Variants in KCNE2 observed in about 807,000 individuals in gnomAD.
KCNE2 encodes the protein potassium voltage-gated channel subfamily E regulatory subunit 2.
KCNE2 carries 4 observed loss-of-function variants against 4.5 expected under a neutral mutation model. That is an observed-to-expected ratio of 0.89 (90% confidence interval 0.44 to 2.03). The LOEUF is 2.03. KCNE2 is among the 30% of genes most tolerant of loss of function. The pLI is 0.03. For missense variants in KCNE2, 137 were observed against 151.4 expected, an observed-to-expected ratio of 0.90 and a Z score of 0.50; for synonymous variants, 57 against 55.9, an observed-to-expected ratio of 1.02 and a Z score of -0.09.
At chr21:34,369,946 T>C (rs1979506417) in intron 1 of KCNE2, among the ~76,000 whole-genome samples, 1 of 152,302 alleles carries the variant, frequency 6.6e-6, no homozygotes, top group East Asian at 1.9e-4. Flanking sequence ...ACAGAGAACA[T>C]AAATGAGTCA....
chr21:34,371,083 C>A lies in KCNE2; in HGVS notation c.*233C>A. 1 of 580,352 alleles carries A rather than the reference C, an allele frequency of 1.7e-6. No individual in the cohort carries two copies. The highest frequency in any genetic ancestry group is 3.1e-6 in the Non-Finnish European group (1 of 323,048). The allele number at this position is 580,352 out of a possible 1,614,324, so 36.0% of individuals were successfully genotyped here. On this transcript the variant is annotated 3_prime_UTR_variant, in exon 2 of 2. Coordinates refer to ENST00000290310, the MANE Select transcript of KCNE2 (RefSeq NM_172201.2). Reference sequence around the variant, plus strand: ...TGTGCTGAAGACCTCTTTTACTTTCCGGGCAAGTGAATGTCATTTTAATCA... The same window carrying A: ...TGTGCTGAAGACCTCTTTTACTTTCAGGGCAAGTGAATGTCATTTTAATCA...
intron 1 of KCNE2, among the ~76,000 whole-genome samples, chr21:34,369,202 C>T (rs902380420): frequency 6.6e-6 from 1 of 152,142 alleles, no homozygotes; most frequent in Non-Finnish European, 1.5e-5. Flanking sequence ...ATTTTAAGAA[C>T]AACCATCGCA....
At chr21:34,368,232 A>ACACAC (rs1322748846) in intron 1 of KCNE2, among the ~76,000 whole-genome samples, 6 of 36,462 alleles carry the variant, frequency 1.6e-4, no homozygotes, top group African/African-American at 4.4e-4. Flanking sequence ...CACACACAAT[A>ACACAC]TATATATATA....
intron 1 of KCNE2, among the ~76,000 whole-genome samples, chr21:34,367,159 C>CAA (rs35381423): frequency 9.4e-4 from 75 of 79,754 alleles, no homozygotes; most frequent in African/African-American, 3.2e-3. Context: ...GACCCCATCT[C>CAA]AAAAAAAAAA....
chr21:34,369,521 G>T (rs936614339), intron 1 of KCNE2, among the ~76,000 whole-genome samples: 1 of 152,020 alleles, frequency 6.6e-6, no homozygotes, highest in Non-Finnish European at 1.5e-5. Flanking sequence ...CCCCACTCCA[G>T]CCTGGACGAC....
At position 34,370,846 on chromosome 21, in the gene KCNE2, CCT is replaced by C. The variant is rs45610936; in HGVS notation, c.369_370del (p.Ter124IlefsTer15). On this transcript the variant is annotated frameshift_variant and stop_lost, in exon 2 of 2. Coordinates refer to ENST00000290310, the MANE Select transcript of KCNE2 (RefSeq NM_172201.2). LOFTEE classifies it high-confidence loss of function. ...GGTGCGGCTGGGTTCAAAATGTCCC[CCT>C]GATAAGGGAGAAAGGCACCAAGCTA... 138 of 1,613,704 alleles carry C rather than the reference CCT, an allele frequency of 8.6e-5. No homozygotes were observed. The highest frequency in any genetic ancestry group is 3.0e-4 in the Admixed American group (18 of 60,002).
Position 34,370,600 on chromosome 21 carries a change from T to C in KCNE2, c.122T>C (p.Val41Ala), listed in dbSNP as rs1273269997. 1.4e-5 allele frequency: 23 copies of C among 1,614,244 alleles called. No individual in the cohort carries two copies. The highest frequency in any genetic ancestry group is 1.8e-5 in the Non-Finnish European group (21 of 1,180,040). ...TAEQEALQAK[V>A]DAENFYYVIL... ...GAGCAAGAGGCCCTCCAAGCCAAAG[T>C]TGATGCTGAGAACTTCTACTATGTC... Residue 41 changes from valine to alanine, a missense_variant, in exon 2 of 2, where the codon GTT (valine) becomes GCT (alanine). Transcript: ENST00000290310.
In KCNE2 at chr21:34,364,125, A is replaced by AT. The variant is rs1417423753; in HGVS notation, c.-36dup. The stretch of plus-strand genomic sequence containing the variant: ...CAGAACAGCCTGGCTTTGGAAAGGA[A>AT]TTTCATCCTGCCCACACACTGCATA... On this transcript the variant is annotated 5_prime_UTR_variant, in exon 1 of 2. Coordinates refer to ENST00000290310, the MANE Select transcript of KCNE2 (RefSeq NM_172201.2). 6.6e-6 allele frequency: 1 copy of AT among 152,194 alleles called. No individual in the cohort carries two copies. Among genetic ancestry groups the AT allele is most frequent in the Non-Finnish European group, 1.5e-5 (1 of 68,048 alleles). 9.4% of individuals were successfully genotyped at this position (152,194 alleles called of 1,614,324 possible).
intron 1 of KCNE2, among the ~76,000 whole-genome samples, chr21:34,366,819 A>AT (rs1385764669): frequency 1.3e-5 from 2 of 151,700 alleles, no homozygotes; most frequent in East Asian, 3.9e-4. Context: ...CTGTACTAAA[A>AT]ATACAAAAAA....
chr21:34,366,772 G>A (rs1313510190), intron 1 of KCNE2, among the ~76,000 whole-genome samples: 6 of 151,908 alleles, frequency 3.9e-5, no homozygotes, highest in South Asian at 2.1e-4. Context: ...GAGGTCAGGA[G>A]ATCGAGACCA....
intron 1 of KCNE2, among the ~76,000 whole-genome samples, chr21:34,366,734 C>G (rs1006621353): frequency 6.6e-6 from 1 of 151,926 alleles, no homozygotes; most frequent in Admixed American, 6.6e-5. Context: ...AATCCCAGCA[C>G]TTTGGGAGGC....
intron 1 of KCNE2, among the ~76,000 whole-genome samples, chr21:34,369,181 A>G (rs1979472369): frequency 6.6e-6 from 1 of 152,164 alleles, no homozygotes; most frequent in South Asian, 2.1e-4. Context: ...CTGTTAAGGA[A>G]TTAGGACTTG....
In KCNE2 at chr21:34,368,228, C is replaced by CT. The variant is rs1568812293; in HGVS notation, c.-12-2239_-12-2238insT. ...ACACACACACACACACACACACACACAATATATATATATATATATATATAT... is the reference window on the plus strand; with the variant it reads ...ACACACACACACACACACACACACACTAATATATATATATATATATATATAT... On this transcript the variant is annotated intron_variant, in intron 1 of 1. Coordinates refer to ENST00000290310, the MANE Select transcript of KCNE2 (RefSeq NM_172201.2). 2.5e-3 allele frequency among the ~76,000 whole-genome samples: 128 copies of CT among 51,316 alleles called. 1 individual carries two copies. Among genetic ancestry groups the CT allele is most frequent in the East Asian group, 8.6e-3 (9 of 1,046 alleles). 33.7% of individuals were successfully genotyped at this position (51,316 alleles called of 152,430 possible). A position where few individuals can be genotyped will look rare whatever the true frequency, so the allele number is the denominator to read the frequency against.
intron 1 of KCNE2, among the ~76,000 whole-genome samples, chr21:34,366,725 A>G (rs1979310622): frequency 1.3e-5 from 2 of 152,132 alleles, no homozygotes; most frequent in African/African-American, 4.8e-5. Flanking sequence ...CACGCCTGTA[A>G]TCCCAGCACT....
chr21:34,365,591 A>AT (rs1421434506), intron 1 of KCNE2, among the ~76,000 whole-genome samples: 7 of 151,942 alleles, frequency 4.6e-5, no homozygotes, highest in South Asian at 4.2e-4. Context: ...ACATCCAGCT[A>AT]TTTTTTTATG....
intron 1 of KCNE2, among the ~76,000 whole-genome samples, chr21:34,364,844 T>G (rs1979226785): frequency 6.6e-6 from 1 of 151,886 alleles, no homozygotes; most frequent in African/African-American, 2.4e-5. Context: ...CCTAATAGTG[T>G]CCTGATTGCT....
chr21:34,371,072 C>T lies in KCNE2; in HGVS notation c.*222C>T. 3.3e-6 allele frequency: 2 copies of T among 611,370 alleles called. No individual in the cohort carries two copies. Among genetic ancestry groups the T allele is most frequent in the Non-Finnish European group, 5.8e-6 (2 of 344,948 alleles). The allele number at this position is 611,370 out of a possible 1,614,324, so 37.9% of individuals were successfully genotyped here. ...GAGCAATATTTTGTGCTGAAGACCT[C>T]TTTTACTTTCCGGGCAAGTGAATGT... On this transcript the variant is annotated 3_prime_UTR_variant, in exon 2 of 2. Coordinates refer to ENST00000290310, the MANE Select transcript of KCNE2 (RefSeq NM_172201.2).
At chr21:34,364,756 G>A (rs1481645747) in intron 1 of KCNE2, among the ~76,000 whole-genome samples, 4 of 147,854 alleles carry the variant, frequency 2.7e-5, no homozygotes, top group Non-Finnish European at 4.5e-5. Context: ...CTGGGCGACA[G>A]AGTGAGACTC....
In KCNE2 at chr21:34,370,752, T is replaced by C. The variant is rs1018893224; in HGVS notation, c.274T>C (p.Trp92Arg). Residue 92 changes from tryptophan to arginine, a missense_variant, in exon 2 of 2, where the codon TGG (tryptophan) becomes CGG (arginine). Physicochemically the swap from Trp to Arg is moderately radical, Grantham distance 101 (BLOSUM62 -3). Coordinates refer to ENST00000290310, the MANE Select transcript of KCNE2 (RefSeq NM_172201.2). ...DPYHQYIVED[W>R]QEKYKSQILN... ...CTACCACCAGTACATTGTAGAGGAC[T>C]GGCAGGAAAAGTACAAGAGCCAAAT... 2 of 1,614,082 alleles carry C rather than the reference T, an allele frequency of 1.2e-6. No homozygotes were observed. Among genetic ancestry groups the C allele is most frequent in the Non-Finnish European group, 1.7e-6 (2 of 1,180,034 alleles).
Sources: allele counts gnomAD v4.1 joint callset (sites outside exome capture counted in the v4.1 genomes callset), GRCh38; gene constraint gnomAD v4.1.1; transcripts MANE v1.5; gene names NCBI Gene and HGNC (gene_info 2026-07-23, HGNC 2026-07-21).